LCLAT1: variants seen among roughly 807,000 people sequenced by gnomAD.
LCLAT1 encodes the protein 1-AGP acyltransferase 8.
A neutral mutation model predicts 30.7 loss-of-function variants in LCLAT1; 11 were observed. The observed-to-expected ratio is 0.36, with a 90% CI of 0.23 to 0.59. LCLAT1 has a LOEUF of 0.59. LCLAT1 is among the 20% of genes least tolerant of loss of function. The pLI, the probability that LCLAT1 is intolerant of heterozygous loss-of-function variation, is 0.77. For missense variants in LCLAT1, 402 were observed against 458.6 expected (o/e 0.88, Z 1.13); for synonymous variants, 155 against 151.3 (o/e 1.02, Z -0.18).
chr2:30,455,838 AG>A (rs1681805774), intron 1 of LCLAT1, among the ~76,000 whole-genome samples: 1 of 130,970 alleles, frequency 7.6e-6, no homozygotes, highest in African/African-American at 2.9e-5. Context: ...TGAGCCTGGG[AG>A]GTTGAGGCTG....
intron 5 of LCLAT1, among the ~76,000 whole-genome samples, chr2:30,611,242 T>C (rs1311642445): frequency 6.6e-6 from 1 of 152,164 alleles, no homozygotes. Context: ...ATGATAAAGC[T>C]ACATGAATTA....
chr2:30,630,687 GTTT>G (rs1668726287), intron 5 of LCLAT1, among the ~76,000 whole-genome samples: 1 of 152,174 alleles, frequency 6.6e-6, no homozygotes, highest in South Asian at 2.1e-4. Context: ...ACTATCTGTA[GTTT>G]TTTATGAACC....
intron 1 of LCLAT1, among the ~76,000 whole-genome samples, chr2:30,497,287 G>A (rs991712844): frequency 1.3e-5 from 2 of 152,100 alleles, no homozygotes; most frequent in African/African-American, 4.8e-5. Flanking sequence ...ATAACTTCTA[G>A]AATGTTGCTT....
At chr2:30,590,752 ACT>A in intron 5 of LCLAT1, among the ~76,000 whole-genome samples, 1 of 151,950 alleles carries the variant, frequency 6.6e-6, no homozygotes, top group Non-Finnish European at 1.5e-5. Context: ...TACATAGAAA[ACT>A]CTGATACTTG....
chr2:30,627,783 G>A (rs2602774), intron 5 of LCLAT1, among the ~76,000 whole-genome samples: 112,811 of 152,010 alleles, frequency 0.74, 42,329 homozygotes, highest in African/African-American at 0.86. Context: ...ATGCTGAAAA[G>A]ATATTTGATA....
intron 1 of LCLAT1, among the ~76,000 whole-genome samples, chr2:30,494,829 T>G (rs1684022836): frequency 6.6e-6 from 1 of 151,866 alleles, no homozygotes; most frequent in Admixed American, 6.6e-5. Context: ...ATTTTTAATT[T>G]TTTTTTTTTT....
At chr2:30,493,168 C>G (rs1242078592) in intron 1 of LCLAT1, among the ~76,000 whole-genome samples, 4 of 152,090 alleles carry the variant, frequency 2.6e-5, no homozygotes, top group African/African-American at 9.7e-5. Flanking sequence ...CTCCCTCCCT[C>G]CTAAGATTGA....
At chr2:30,592,539 G>C (rs745366583) in intron 5 of LCLAT1, among the ~76,000 whole-genome samples, 4 of 152,118 alleles carry the variant, frequency 2.6e-5, no homozygotes, top group Non-Finnish European at 4.4e-5. Context: ...TCAGTTTCTC[G>C]ATTGAAAATG....
chr2:30,592,235 A>T (rs1166035877), intron 5 of LCLAT1, among the ~76,000 whole-genome samples: 1 of 152,184 alleles, frequency 6.6e-6, no homozygotes, highest in Non-Finnish European at 1.5e-5. Context: ...AAACCAATTC[A>T]CTTGATAGGA....
At chr2:30,496,550 A>AT (rs958736497) in intron 1 of LCLAT1, among the ~76,000 whole-genome samples, 1 of 152,140 alleles carries the variant, frequency 6.6e-6, no homozygotes, top group African/African-American at 2.4e-5. Flanking sequence ...GCACAAACCC[A>AT]TTTTTTCATC....
At chr2:30,603,910 T>C (rs1262969603) in intron 5 of LCLAT1, among the ~76,000 whole-genome samples, 2 of 152,128 alleles carry the variant, frequency 1.3e-5, no homozygotes, top group Non-Finnish European at 2.9e-5. Flanking sequence ...TCTAGAAAAT[T>C]AAGCAAAGAG....
Position 30,517,887 on chromosome 2 carries a change from C to T in LCLAT1, c.-4-7700C>T, listed in dbSNP as rs1434187436. 3.3e-5 allele frequency among the ~76,000 whole-genome samples: 5 copies of T among 152,182 alleles called. No individual in the cohort carries two copies. The East Asian group carries it at 9.6e-4, about 29-fold the overall frequency. ...AGATCCTCTCCGTGACCCTGTAACA[C>T]TCCAATACCACCTTGTTATCAGTGT... On this transcript the variant is annotated intron_variant, in intron 1 of 5. Coordinates refer to ENST00000379509, the MANE Select transcript of LCLAT1 (RefSeq NM_001002257.3).
At chr2:30,515,180 T>G (rs180974155) in intron 1 of LCLAT1, among the ~76,000 whole-genome samples, 2 of 152,342 alleles carry the variant, frequency 1.3e-5, no homozygotes, top group East Asian at 3.9e-4. Flanking sequence ...CCACTTTTCC[T>G]CCAAGAGTCT....
intron 5 of LCLAT1, among the ~76,000 whole-genome samples, chr2:30,619,483 C>A (rs1362517018): frequency 6.6e-6 from 1 of 152,122 alleles, no homozygotes; most frequent in Non-Finnish European, 1.5e-5. Context: ...AAGGTTTTTA[C>A]AAATATGAAA....
At chr2:30,608,965 G>C (rs941712038) in intron 5 of LCLAT1, among the ~76,000 whole-genome samples, 1 of 152,140 alleles carries the variant, frequency 6.6e-6, no homozygotes, top group African/African-American at 2.4e-5. Flanking sequence ...TCATTCCTGT[G>C]AACACTTGGT....
chr2:30,521,489 CTTCTTTTTTTTTTTTTTTTTT>C (rs1282407554), intron 1 of LCLAT1, among the ~76,000 whole-genome samples: 16 of 55,560 alleles, frequency 2.9e-4, no homozygotes, highest in South Asian at 1.1e-3. Flanking sequence ...TAAACTACTT[CTTCTTTTTTTTTTTTTTTTTT>C]TTTTTTTTTT....
intron 3 of LCLAT1, among the ~76,000 whole-genome samples, chr2:30,541,051 A>G (rs1664115128): frequency 6.6e-6 from 1 of 152,186 alleles, no homozygotes; most frequent in African/African-American, 2.4e-5. Flanking sequence ...AATTCTTAGT[A>G]GAAATATTAA....
chr2:30,590,323 A>ATT (rs35473084), intron 5 of LCLAT1, among the ~76,000 whole-genome samples: 36 of 148,682 alleles, frequency 2.4e-4, no homozygotes, highest in South Asian at 4.2e-4. Context: ...CTTTTGATAG[A>ATT]TTTTTTTTTT....
intron 1 of LCLAT1, among the ~76,000 whole-genome samples, chr2:30,519,548 A>G (rs1685370898): frequency 6.6e-6 from 1 of 152,138 alleles, no homozygotes; most frequent in Non-Finnish European, 1.5e-5. Context: ...AAGAATTCCT[A>G]AGCCTAGCTG....
Sources: allele counts gnomAD v4.1 joint callset (sites outside exome capture counted in the v4.1 genomes callset), GRCh38; gene constraint gnomAD v4.1.1; transcripts MANE v1.5; gene names NCBI Gene and HGNC (gene_info 2026-07-23, HGNC 2026-07-21).